Variants in LINGO2 observed in about 807,000 individuals in gnomAD.
LINGO2 encodes leucine rich repeat and Ig domain containing 2.
Under a neutral mutation model 30.6 loss-of-function variants are expected in LINGO2, and 14 were observed. The ratio of observed to expected loss-of-function variants is 0.46; its 90% CI spans 0.30 to 0.72. LINGO2 has a LOEUF of 0.72. LINGO2 is among the 30% of genes least tolerant of loss of function. The probability of loss-of-function intolerance (pLI) is 0.07; values close to 1 mark genes in which losing one functional copy is unlikely to be tolerated. For missense variants in LINGO2, 729 were observed against 751.7 expected (o/e 0.97, Z 0.35); for synonymous variants, 317 against 288.5 (o/e 1.10, Z -1.00).
intron 4 of LINGO2, among the ~76,000 whole-genome samples, chr9:28,016,663 AG>A (rs1207798338): frequency 7.1e-6 from 1 of 140,046 alleles, no homozygotes; most frequent in East Asian, 2.1e-4. Context: ...CATATCAATG[AG>A]TTCCCAAATT....
the LINGO2 span, among the ~76,000 whole-genome samples, chr9:29,055,940 G>GTATATATATA: frequency 1.0e-4 from 12 of 120,020 alleles, no homozygotes; most frequent in African/African-American, 3.8e-4. Context: ...ATGTGTGTGT[G>GTATATATATA]TATATATACA....
chr9:29,194,472 C>T, the LINGO2 span, among the ~76,000 whole-genome samples: 177 of 152,330 alleles, frequency 1.2e-3, 1 homozygote, highest in Non-Finnish European at 6.3e-4. Context: ...CGTGCATCAA[C>T]TGTAAGTACA....
the LINGO2 span, among the ~76,000 whole-genome samples, chr9:28,816,969 T>C: frequency 1.2e-4 from 18 of 152,184 alleles, no homozygotes; most frequent in Non-Finnish European, 2.6e-4. Context: ...AGCTTATTAA[T>C]TTACTATACT....
chr9:28,304,699 C>T (rs967067898), intron 3 of LINGO2, among the ~76,000 whole-genome samples: 38 of 152,074 alleles, frequency 2.5e-4, no homozygotes, highest in Non-Finnish European at 4.1e-4. Context: ...TGGAAGTTTA[C>T]TTTTAGGTAT....
chr9:28,643,950 C>G (rs1827719753), intron 1 of LINGO2, among the ~76,000 whole-genome samples: 1 of 151,956 alleles, frequency 6.6e-6, no homozygotes, highest in South Asian at 2.1e-4. Context: ...CGACATTGAT[C>G]ATCAGAGAAA....
At chr9:29,078,750 T>G in the LINGO2 span, among the ~76,000 whole-genome samples, 1 of 151,966 alleles carries the variant, frequency 6.6e-6, no homozygotes, top group Non-Finnish European at 1.5e-5. Context: ...TTAAGCCAGG[T>G]GGACAAAAAT....
chr9:28,387,800 G>T (rs1373793917), intron 2 of LINGO2, among the ~76,000 whole-genome samples: 3 of 152,086 alleles, frequency 2.0e-5, no homozygotes, highest in African/African-American at 7.2e-5. Flanking sequence ...AACACTCACT[G>T]CGAAGGTCTG....
intron 1 of LINGO2, among the ~76,000 whole-genome samples, chr9:28,522,888 A>T (rs1820877781): frequency 6.6e-6 from 1 of 152,048 alleles, no homozygotes; most frequent in Non-Finnish European, 1.5e-5. Flanking sequence ...GAAATCAGAA[A>T]AAAAAAATAT....
the LINGO2 span, among the ~76,000 whole-genome samples, chr9:28,823,805 TA>T: frequency 2.0e-5 from 3 of 152,180 alleles, no homozygotes; most frequent in African/African-American, 7.2e-5. Flanking sequence ...TGTTATTTTT[TA>T]AAAGGCCCTC....
At chr9:29,049,872 C>G in the LINGO2 span, among the ~76,000 whole-genome samples, 2 of 152,046 alleles carry the variant, frequency 1.3e-5, no homozygotes, top group Non-Finnish European at 2.9e-5. Context: ...TAAATAAGAT[C>G]TACTACTCAA....
intron 4 of LINGO2, among the ~76,000 whole-genome samples, chr9:28,215,732 C>G (rs75912184): frequency 6.6e-6 from 1 of 151,644 alleles, no homozygotes; most frequent in Non-Finnish European, 1.5e-5. Context: ...ATAAAATACG[C>G]GGGACCAGAA....
chr9:29,136,896 G>T, the LINGO2 span, among the ~76,000 whole-genome samples: 1 of 152,004 alleles, frequency 6.6e-6, no homozygotes, highest in Non-Finnish European at 1.5e-5. Context: ...TCATTTGTAG[G>T]AACTCAAAGT....
intron 1 of LINGO2, among the ~76,000 whole-genome samples, chr9:28,607,866 G>A (rs1321490139): frequency 1.3e-5 from 2 of 152,004 alleles, no homozygotes; most frequent in African/African-American, 4.8e-5. Flanking sequence ...CAGAGTAGGA[G>A]AAGAACCATT....
chr9:28,939,722 A>C, the LINGO2 span, among the ~76,000 whole-genome samples: 1 of 152,078 alleles, frequency 6.6e-6, no homozygotes, highest in Non-Finnish European at 1.5e-5. Context: ...TCTATCTTCA[A>C]GGTAAATACA....
At chr9:29,155,575 T>C in the LINGO2 span, among the ~76,000 whole-genome samples, 1 of 150,130 alleles carries the variant, frequency 6.7e-6, no homozygotes, top group African/African-American at 2.4e-5. Flanking sequence ...TTTTTTACAA[T>C]AATCTAAAAA....
chr9:29,191,743 C>CT, the LINGO2 span, among the ~76,000 whole-genome samples: 1 of 152,134 alleles, frequency 6.6e-6, no homozygotes, highest in South Asian at 2.1e-4. Flanking sequence ...CTATTCACTA[C>CT]TTTAACATTT....
the LINGO2 span, among the ~76,000 whole-genome samples, chr9:28,781,470 T>C: frequency 6.6e-6 from 1 of 152,180 alleles, no homozygotes; most frequent in Non-Finnish European, 1.5e-5. Context: ...ATTCAAATAA[T>C]AGCAAAACAA....
intron 5 of LINGO2, among the ~76,000 whole-genome samples, chr9:27,973,342 A>C (rs1236592463): frequency 1.3e-5 from 2 of 152,184 alleles, no homozygotes; most frequent in African/African-American, 4.8e-5. Context: ...CTGATTCATC[A>C]GGTCCAGGGA....
At chr9:29,147,321 A>C in the LINGO2 span, among the ~76,000 whole-genome samples, 1 of 107,572 alleles carries the variant, frequency 9.3e-6, no homozygotes, top group Non-Finnish European at 2.2e-5. Context: ...AGGATTTATG[A>C]TTCTTGTTTT....
Sources: allele counts gnomAD v4.1 joint callset (sites outside exome capture counted in the v4.1 genomes callset), GRCh38; gene constraint gnomAD v4.1.1; transcripts MANE v1.5; gene names NCBI Gene and HGNC (gene_info 2026-07-23, HGNC 2026-07-21).